The following ABHD18 variants were observed in gnomAD, a reference collection of about 807,000 sequenced individuals.
ABHD18 encodes the protein abhydrolase domain containing 18.
A neutral mutation model predicts 65.9 loss-of-function variants in ABHD18; 55 were observed. The ratio of observed to expected loss-of-function variants is 0.84; its 90% CI spans 0.67 to 1.05. ABHD18 has a LOEUF of 1.05. Among genes scored for constraint, ABHD18 ranks in the 50% least tolerant of loss-of-function variants. The probability of loss-of-function intolerance (pLI) is 0.00; values close to 1 mark genes in which losing one functional copy is unlikely to be tolerated. For missense variants in ABHD18, 533 were observed against 558.5 expected, an observed-to-expected ratio of 0.95 and a Z score of 0.46; for synonymous variants, 181 against 180.2, an observed-to-expected ratio of 1.00 and a Z score of -0.04.
intron 3 of ABHD18, among the ~76,000 whole-genome samples, chr4:127,987,244 T>C (rs1300657173): frequency 2.6e-5 from 4 of 151,600 alleles, no homozygotes; most frequent in Admixed American, 6.6e-5. Context: ...CCCAGCTACT[T>C]GGGAGGCGGA....
chr4:128,028,952 G>A (rs1757788861), intron 11 of ABHD18, 99 bp downstream of exon 11: 2 of 1,049,416 alleles, frequency 1.9e-6, no homozygotes, highest in Non-Finnish European at 2.6e-6. Flanking sequence ...TATTTTCAAG[G>A]GTATATTTTT....
intron 11 of ABHD18, among the ~76,000 whole-genome samples, chr4:128,029,274 G>A (rs1018267459): frequency 1.1e-4 from 17 of 152,030 alleles, no homozygotes; most frequent in African/African-American, 3.9e-4. Flanking sequence ...TGGAAGGATC[G>A]CTTCAGCCCA....
chr4:128,015,399 A>G lies in ABHD18; in HGVS notation c.471-1964A>G, dbSNP rs74915633. Reference sequence around the variant, plus strand: ...TATTATAAATAACTACTGTCCCAGAATTTCATATCAGTAACTTCTACTAAA... The same window carrying G: ...TATTATAAATAACTACTGTCCCAGAGTTTCATATCAGTAACTTCTACTAAA... On this transcript the variant is annotated intron_variant, in intron 7 of 12. Transcript: ENST00000645843. Among the ~76,000 whole-genome samples, 668 of 152,354 alleles carry G rather than the reference A, an allele frequency of 4.4e-3. 9 individuals carry two copies. Among genetic ancestry groups the G allele is most frequent in the African/African-American group, 0.015 (638 of 41,586 alleles).
At chr4:127,980,825 CAA>C (rs768450115) in intron 1 of ABHD18, among the ~76,000 whole-genome samples, 21 of 46,546 alleles carry the variant, frequency 4.5e-4, no homozygotes, top group East Asian at 2.0e-3. Context: ...GACTGCATCT[CAA>C]AAAAAAAAAA....
chr4:128,002,748 A>C (rs1752895572), intron 4 of ABHD18, among the ~76,000 whole-genome samples: 1 of 151,802 alleles, frequency 6.6e-6, no homozygotes, highest in South Asian at 2.1e-4. Flanking sequence ...AGTTCAAGTG[A>C]TTCTTCTGCC....
chr4:128,029,905 T>G (rs539451172), intron 11 of ABHD18, among the ~76,000 whole-genome samples: 12 of 152,294 alleles, frequency 7.9e-5, no homozygotes, highest in South Asian at 6.2e-4. Flanking sequence ...GAGGATCCCT[T>G]GAGCCCAGGA....
chr4:128,021,175 A>G lies in ABHD18; in HGVS notation c.738A>G (p.Glu246=). The change falls in exon 10 of 13, where the codon GAA becomes GAG. Residue 246 remains glutamate, a synonymous_variant. Coordinates refer to ENST00000645843, the MANE Select transcript of ABHD18 (RefSeq NM_001358451.3). The part of the protein sequence containing the change: ...LSKSINWREL[E]KQYYTQTVYE... The stretch of plus-strand genomic sequence containing the variant: ...AATCAATTAATTGGAGGGAGCTGGA[A>G]AAGCAATATTATACCCAGACAGTTT... 3.2e-6 allele frequency: 5 copies of G among 1,549,098 alleles called. No individual in the cohort carries two copies. In the South Asian group the frequency reaches 4.8e-5, roughly 15 times the overall value.
Position 127,992,153 on chromosome 4 carries a change from T to C in ABHD18, c.278+2332T>C, listed in dbSNP as rs529289321. On this transcript the variant is annotated intron_variant, in intron 4 of 12. Transcript: ENST00000645843. ...TATAAAGTAGGACTAATAACACTTATCTGGTAGGGTTGTTAAAAGTGATAA... is the reference window on the plus strand; with the variant it reads ...TATAAAGTAGGACTAATAACACTTACCTGGTAGGGTTGTTAAAAGTGATAA... Among the ~76,000 whole-genome samples the C allele has an allele frequency of 4.0e-3, 603 of 152,166 alleles. 3 individuals are homozygous for C. Among genetic ancestry groups the C allele is most frequent in the Non-Finnish European group, 6.4e-3 (432 of 67,994 alleles).
rs766141488 is a variant in ABHD18 at position 128,011,150 on chromosome 4, AT to A, written c.443-507del. Among the ~76,000 whole-genome samples, 361 of 141,476 alleles carry A rather than the reference AT, an allele frequency of 2.6e-3. 2 individuals are homozygous for A. The highest frequency in any genetic ancestry group is 7.4e-3 in the Middle Eastern group (2 of 270). 92.8% of individuals were successfully genotyped at this position (141,476 alleles called of 152,430 possible). ...TATTGGCTGAATTATGTGATATATGATTTTTTTTTTTTTTTTGAGACGGACT... is the reference window on the plus strand; with the variant it reads ...TATTGGCTGAATTATGTGATATATGATTTTTTTTTTTTTTTGAGACGGACT... On this transcript the variant is annotated intron_variant, in intron 6 of 12. Coordinates refer to ENST00000645843, the MANE Select transcript of ABHD18 (RefSeq NM_001358451.3).
At chr4:128,018,018 A>G (rs1755808501) in intron 8 of ABHD18, among the ~76,000 whole-genome samples, 1 of 152,136 alleles carries the variant, frequency 6.6e-6, no homozygotes, top group African/African-American at 2.4e-5. Flanking sequence ...GTCTTGTTCA[A>G]AACCTGCCAA....
intron 1 of ABHD18, among the ~76,000 whole-genome samples, chr4:127,977,707 ATGTT>A (rs1369050743): frequency 3.3e-5 from 5 of 152,210 alleles, no homozygotes; most frequent in Non-Finnish European, 5.9e-5. Context: ...TCTCTGCTAA[ATGTT>A]TGATGCATTC....
chr4:128,002,647 T>A (rs1422584997), intron 4 of ABHD18, among the ~76,000 whole-genome samples: 1 of 151,388 alleles, frequency 6.6e-6, no homozygotes, highest in African/African-American at 2.4e-5. Context: ...AGATTAATAC[T>A]TTGTTTGTTT....
In ABHD18 at chr4:128,016,232, G is replaced by A. The variant is rs75168697; in HGVS notation, c.471-1131G>A. On this transcript the variant is annotated intron_variant, in intron 7 of 12. Coordinates refer to ENST00000645843, the MANE Select transcript of ABHD18 (RefSeq NM_001358451.3). ...CTCCCAAAGTATTGGGATTACAGGC[G>A]TGAGCCACTGTGCCCAGCTTAAATA... Among the ~76,000 whole-genome samples, 220 of 152,074 alleles carry A rather than the reference G, an allele frequency of 1.4e-3. 7 individuals are homozygous for A. In the East Asian group the frequency reaches 0.031, roughly 21 times the overall value.
intron 3 of ABHD18, among the ~76,000 whole-genome samples, 193 bp from the exon 4 acceptor site, chr4:127,989,528 T>G (rs1579220198): frequency 6.6e-6 from 1 of 152,278 alleles, no homozygotes; most frequent in African/African-American, 2.4e-5. Context: ...AAACATCACA[T>G]GTACCCCATA....
At chr4:127,983,080 G>A (rs1272960129) in intron 2 of ABHD18, 33 bp downstream of exon 2, 1 of 1,427,264 alleles carries the variant, frequency 7.0e-7, no homozygotes. Context: ...TACTTGTTCT[G>A]AATTTGTTGT....
At chr4:127,998,562 A>C (rs1752153215) in intron 4 of ABHD18, among the ~76,000 whole-genome samples, 1 of 145,340 alleles carries the variant, frequency 6.9e-6, no homozygotes. Context: ...TTTTTAAGAG[A>C]CTGGATCTCA....
rs573117286 is a variant in ABHD18 at position 128,027,167 on chromosome 4, T to C, written c.802-1308T>C. The stretch of plus-strand genomic sequence containing the variant: ...CAGTATTAAGTACAGTAACATGTTG[T>C]ACAGGTTAGTAACCTAGAAACAATA... On this transcript the variant is annotated intron_variant, in intron 10 of 12. Coordinates refer to ENST00000645843, the MANE Select transcript of ABHD18 (RefSeq NM_001358451.3). 5.3e-5 allele frequency among the ~76,000 whole-genome samples: 8 copies of C among 152,334 alleles called. No homozygotes were observed. The South Asian group carries it at 1.7e-3, about 32-fold the overall frequency.
chr4:127,996,752 A>G (rs897488778), intron 4 of ABHD18, among the ~76,000 whole-genome samples: 1 of 152,000 alleles, frequency 6.6e-6, no homozygotes, highest in Non-Finnish European at 1.5e-5. Flanking sequence ...CTGTAGACCT[A>G]CCCCCAGGAA....
At chr4:127,970,340 C>T (rs1038122329) in intron 1 of ABHD18, among the ~76,000 whole-genome samples, 5 of 152,020 alleles carry the variant, frequency 3.3e-5, no homozygotes, top group African/African-American at 1.2e-4. Context: ...CGCCTGTAAT[C>T]CCAGCACTTT....
Sources: allele counts gnomAD v4.1 joint callset (sites outside exome capture counted in the v4.1 genomes callset), GRCh38; gene constraint gnomAD v4.1.1; transcripts MANE v1.5; gene names NCBI Gene and HGNC (gene_info 2026-07-23, HGNC 2026-07-21).